RIN3: variants seen among roughly 807,000 people sequenced by gnomAD.
The protein encoded by RIN3 is RAB5 interacting protein 3.
A neutral mutation model predicts 76.3 loss-of-function variants in RIN3; 54 were observed. The ratio of observed to expected loss-of-function variants is 0.71; its 90% confidence interval spans 0.57 to 0.89. The LOEUF (loss-of-function observed/expected upper bound fraction) is 0.89, where lower values mean the gene tolerates loss of function less well. RIN3 is among the 40% of genes least tolerant of loss of function. The pLI is 0.00. For missense variants in RIN3, 1,256 were observed against 1,322.1 expected, an observed-to-expected ratio of 0.95 and a Z score of 0.78; for synonymous variants, 576 against 564.0, an observed-to-expected ratio of 1.02 and a Z score of -0.30.
chr14:92,600,400 G>C (rs769642436), intron 3 of RIN3, among the ~76,000 whole-genome samples: 1 of 152,096 alleles, frequency 6.6e-6, no homozygotes, highest in African/African-American at 2.4e-5. Context: ...CCTAAGGGGG[G>C]TGGGAAGAAA....
rs1419895576 is a variant in RIN3 at position 92,661,760 on chromosome 14, A to ACACACACACACACACACACACAC, written c.2335+2291_2335+2292insCACACACACACACACACACACAC. Among the ~76,000 whole-genome samples the ACACACACACACACACACACACAC allele has an allele frequency of 7.0e-4, 89 of 128,018 alleles. 2 individuals are homozygous for ACACACACACACACACACACACAC. Among genetic ancestry groups the ACACACACACACACACACACACAC allele is most frequent in the African/African-American group, 2.3e-3 (75 of 31,916 alleles). The allele number at this position is 128,018 out of a possible 152,430, so 84.0% of individuals were successfully genotyped here. On this transcript the variant is annotated intron_variant, in intron 7 of 9. Transcript: ENST00000216487. ...ACACACACACACACACACACACACA[A>ACACACACACACACACACACACAC]AAAATAGAATTGTGCTCCCCAAAAG...
chr14:92,521,038 T>C (rs549956205), intron 1 of RIN3, among the ~76,000 whole-genome samples: 1 of 152,280 alleles, frequency 6.6e-6, no homozygotes, highest in South Asian at 2.1e-4. Flanking sequence ...TCGCAATGGA[T>C]ATCTTCTCAT....
At chr14:92,665,501 C>A (rs1339347301) in intron 7 of RIN3, among the ~76,000 whole-genome samples, 1 of 150,774 alleles carries the variant, frequency 6.6e-6, no homozygotes, top group Admixed American at 6.6e-5. Context: ...GCCTCAGCCT[C>A]CTGATTAGCT....
chr14:92,586,567 G>C (rs989092003), intron 3 of RIN3: 3 of 152,104 alleles, frequency 2.0e-5, no homozygotes, highest in Non-Finnish European at 4.4e-5. Context: ...AAAAAAAATA[G>C]ATCTTGAATC....
At chr14:92,569,298 C>T (rs1233562131) in intron 2 of RIN3, among the ~76,000 whole-genome samples, 1 of 152,142 alleles carries the variant, frequency 6.6e-6, no homozygotes, top group East Asian at 1.9e-4. Flanking sequence ...GTGAGTGGAG[C>T]GTGGTCCTCA....
chr14:92,661,927 G>A (rs1246148689), intron 7 of RIN3, among the ~76,000 whole-genome samples: 3 of 152,214 alleles, frequency 2.0e-5, no homozygotes, highest in African/African-American at 4.8e-5. Context: ...CGGAGGTCGG[G>A]TGTCTTGTGC....
chr14:92,594,923 C>A lies in RIN3; in HGVS notation c.367+17446C>A, dbSNP rs140909347. On this transcript the variant is annotated intron_variant, in intron 3 of 9. Coordinates refer to ENST00000216487, the MANE Select transcript of RIN3 (RefSeq NM_024832.5). ...GCAGGTGGGCTGCCTGGACACTGAG[C>A]AACATGTGTTTTCCTTTATAATCCA... 3.2e-3 allele frequency among the ~76,000 whole-genome samples: 485 copies of A among 152,306 alleles called. 1 individual carries two copies. The highest frequency in any genetic ancestry group is 0.011 in the African/African-American group (462 of 41,562).
At chr14:92,530,212 A>G (rs958689512) in intron 1 of RIN3, among the ~76,000 whole-genome samples, 4 of 152,188 alleles carry the variant, frequency 2.6e-5, no homozygotes, top group Non-Finnish European at 5.9e-5. Flanking sequence ...AGTCTTAGCT[A>G]TGGTGTTTCC....
At chr14:92,665,685 T>C (rs1888070867) in intron 7 of RIN3, among the ~76,000 whole-genome samples, 1 of 152,096 alleles carries the variant, frequency 6.6e-6, no homozygotes, top group Admixed American at 6.6e-5. Flanking sequence ...CTGGACTCTT[T>C]GTCTTTAATG....
chr14:92,527,264 C>G (rs1896763016), intron 1 of RIN3, among the ~76,000 whole-genome samples: 1 of 149,120 alleles, frequency 6.7e-6, no homozygotes, highest in South Asian at 2.1e-4. Context: ...GTGTTAGCCA[C>G]AATGGTCTCG....
chr14:92,530,455 C>A (rs528587727), intron 1 of RIN3, among the ~76,000 whole-genome samples: 6 of 152,214 alleles, frequency 3.9e-5, no homozygotes, highest in Non-Finnish European at 8.8e-5. Flanking sequence ...TTTGACACTA[C>A]TAATTGCAGC....
At position 92,659,257 on chromosome 14, in the gene RIN3, C is replaced by T. The variant is rs746091590; in HGVS notation, c.2123C>T (p.Ser708Leu). ...CLHQIHSKDG[S>L]LQQLKENQLV... ...CATCAGATCCACAGCAAGGATGGTT[C>T]GCTGCAGCAGCTCAAGGAGAACCAG... The change falls in exon 7 of 10, where the codon TCG becomes TTG. Residue 708 changes from serine (S) to leucine (L), a missense_variant. By Grantham distance (145) the Ser-to-Leu change is moderately radical (BLOSUM62 -2). Transcript: ENST00000216487. 2.0e-5 allele frequency: 33 copies of T among 1,614,062 alleles called. No individual in the cohort carries two copies. Among genetic ancestry groups the T allele is most frequent in the Middle Eastern group, 1.6e-4 (1 of 6,084 alleles).
At chr14:92,536,752 A>G (rs1259210120) in intron 1 of RIN3, among the ~76,000 whole-genome samples, 1 of 151,634 alleles carries the variant, frequency 6.6e-6, no homozygotes, top group Non-Finnish European at 1.5e-5. Flanking sequence ...GAAAAAAAAA[A>G]AAAAAAAAAA....
intron 6 of RIN3, among the ~76,000 whole-genome samples, chr14:92,654,965 G>A (rs1887613238): frequency 6.6e-6 from 1 of 152,050 alleles, no homozygotes; most frequent in African/African-American, 2.4e-5. Flanking sequence ...AGGAGTTTGA[G>A]ACCAGCCTGG....
intron 7 of RIN3, among the ~76,000 whole-genome samples, chr14:92,667,095 G>T (rs1888131770): frequency 6.6e-6 from 1 of 151,734 alleles, no homozygotes; most frequent in Admixed American, 6.6e-5. Context: ...CAGAGGAATT[G>T]GATGGGAGGG....
At chr14:92,627,058 C>T (rs1020072048) in intron 4 of RIN3, among the ~76,000 whole-genome samples, 6 of 152,182 alleles carry the variant, frequency 3.9e-5, no homozygotes, top group Admixed American at 1.3e-4. Flanking sequence ...TTTCTTGTGC[C>T]TATTCCTCTC....
intron 4 of RIN3, among the ~76,000 whole-genome samples, chr14:92,629,730 C>A (rs1886497099): frequency 6.6e-6 from 1 of 152,196 alleles, no homozygotes; most frequent in African/African-American, 2.4e-5. Flanking sequence ...ATTTTGCGAA[C>A]AATTTCAGGA....
At chr14:92,544,299 C>T (rs1353973981) in intron 1 of RIN3, among the ~76,000 whole-genome samples, 4 of 151,928 alleles carry the variant, frequency 2.6e-5, no homozygotes, top group Admixed American at 6.6e-5. Context: ...GCACTCTTCC[C>T]GCCTACATCT....
intron 3 of RIN3, among the ~76,000 whole-genome samples, chr14:92,601,838 C>A (rs1885357178): frequency 6.6e-6 from 1 of 152,180 alleles, no homozygotes; most frequent in Non-Finnish European, 1.5e-5. Context: ...GCAAATCTGT[C>A]CAATGTCTCC....
Sources: allele counts gnomAD v4.1 joint callset (sites outside exome capture counted in the v4.1 genomes callset), GRCh38; gene constraint gnomAD v4.1.1; transcripts MANE v1.5; gene names NCBI Gene and HGNC (gene_info 2026-07-23, HGNC 2026-07-21).